The following ZFYVE28 variants were observed in gnomAD, a reference collection of about 807,000 sequenced individuals.
ZFYVE28 encodes lateral signaling target protein 2 homolog.
A neutral mutation model predicts 82.1 loss-of-function variants in ZFYVE28; 40 were observed. The observed-to-expected ratio is 0.49, with a 90% CI of 0.38 to 0.63. ZFYVE28 has a LOEUF of 0.63. Among genes scored for constraint, ZFYVE28 ranks in the 30% least tolerant of loss-of-function variants. The pLI is 0.00. For missense variants in ZFYVE28, 1,321 were observed against 1,242.1 expected, an observed-to-expected ratio of 1.06 and a Z score of -0.96; for synonymous variants, 612 against 546.1, an observed-to-expected ratio of 1.12 and a Z score of -1.68.
At chr4:2,331,423 C>T (rs1003303602) in intron 6 of ZFYVE28, among the ~76,000 whole-genome samples, 1 of 151,802 alleles carries the variant, frequency 6.6e-6, no homozygotes, top group Non-Finnish European at 1.5e-5. Flanking sequence ...AGGCAGATTG[C>T]TAGAGCCCGG....
At chr4:2,385,499 T>TA (rs1729162615) in intron 1 of ZFYVE28, among the ~76,000 whole-genome samples, 1 of 152,230 alleles carries the variant, frequency 6.6e-6, no homozygotes, top group Admixed American at 6.5e-5. Context: ...GACTGTCAGC[T>TA]GGGACCCTGA....
chr4:2,391,132 G>A (rs975233271), intron 1 of ZFYVE28, among the ~76,000 whole-genome samples: 7 of 152,194 alleles, frequency 4.6e-5, no homozygotes, highest in East Asian at 1.9e-4. Flanking sequence ...CGTGCCCGCC[G>A]CAGCCCTCCC....
chr4:2,296,700 C>T (rs1714622596), intron 8 of ZFYVE28, among the ~76,000 whole-genome samples: 1 of 152,128 alleles, frequency 6.6e-6, no homozygotes, highest in African/African-American at 2.4e-5. Flanking sequence ...GTGTGAGCCT[C>T]CCAGTGAGGG....
At chr4:2,330,698 G>C in intron 6 of ZFYVE28, 12 of 1,454,322 alleles carry the variant, frequency 8.3e-6, no homozygotes, top group Non-Finnish European at 1.1e-5. Context: ...GGACACTGGA[G>C]CAGAGGGGAC....
At position 2,352,724 on chromosome 4, in the gene ZFYVE28, A is replaced by G. The variant is rs1724663033; in HGVS notation, c.180+1209T>C. Among the ~76,000 whole-genome samples the G allele has an allele frequency of 2.0e-5, 3 of 152,148 alleles. No individual in the cohort carries two copies. The South Asian group carries it at 6.2e-4, about 32-fold the overall frequency. On this transcript the variant is annotated intron_variant, in intron 2 of 12. Transcript: ENST00000290974. Reference sequence around the variant, plus strand: ...GCAGCGGGAAGCCTGAGAAGGGGCCACCTAGCTTGGCAGCCCCCACCTCTC... The same window carrying G: ...GCAGCGGGAAGCCTGAGAAGGGGCCGCCTAGCTTGGCAGCCCCCACCTCTC...
chr4:2,303,352 G>A (rs772104492), intron 8 of ZFYVE28, among the ~76,000 whole-genome samples: 5 of 151,934 alleles, frequency 3.3e-5, no homozygotes, highest in Non-Finnish European at 5.9e-5. Context: ...ATCCTTCAAC[G>A]CAGCCCCTCA....
Position 2,418,302 on chromosome 4 carries a change from A to G in ZFYVE28, c.22T>C (p.Trp8Arg). 6.5e-7 allele frequency: 1 copy of G among 1,535,924 alleles called. No homozygotes were observed. The highest frequency in any genetic ancestry group is 8.8e-7 in the Non-Finnish European group (1 of 1,140,236). ...CCGCTCACCTTGGGTTTGTAGAGCC[A>G]CTTTCGGAACCTGTTCATCATCGCC... MMNRFRK[W>R]LYKPKRSDPQ... Residue 8 changes from tryptophan to arginine, a missense_variant, in exon 1 of 13, where the codon TGG (tryptophan) becomes CGG (arginine). Physicochemically the swap from Trp to Arg is moderately radical, Grantham distance 101. Transcript: ENST00000290974. The surrounding 1 kb of genome is among the most constrained non-coding windows in gnomAD (Gnocchi z 4.6).
At chr4:2,384,886 T>G (rs765033591) in intron 1 of ZFYVE28, among the ~76,000 whole-genome samples, 1 of 152,182 alleles carries the variant, frequency 6.6e-6, no homozygotes, top group Non-Finnish European at 1.5e-5. Flanking sequence ...TTTCAAGATG[T>G]GACGGAGACA....
intron 6 of ZFYVE28, among the ~76,000 whole-genome samples, chr4:2,334,077 C>T (rs571078195): frequency 2.0e-5 from 3 of 152,294 alleles, no homozygotes; most frequent in African/African-American, 4.8e-5. Context: ...CTGAGTCTAA[C>T]GGCAGGAGGA....
chr4:2,305,580 A>G, intron 7 of ZFYVE28, 44 bp from the exon 8 acceptor site: 1 of 1,610,364 alleles, frequency 6.2e-7, no homozygotes, highest in Admixed American at 1.7e-5. Flanking sequence ...CCCAAAAGCC[A>G]CACCAGCCTC....
intron 1 of ZFYVE28, among the ~76,000 whole-genome samples, chr4:2,358,937 G>T (rs1725723796): frequency 6.6e-6 from 1 of 151,208 alleles, no homozygotes; most frequent in South Asian, 2.1e-4. Context: ...GAGTAGCTAG[G>T]AAGACAGGTG....
At chr4:2,352,216 A>G (rs915835029) in intron 2 of ZFYVE28, among the ~76,000 whole-genome samples, 1 of 152,140 alleles carries the variant, frequency 6.6e-6, no homozygotes, top group Non-Finnish European at 1.5e-5. Context: ...AGATGCCCTC[A>G]GGGAGCTGGG....
At chr4:2,399,752 A>G (rs1213062549) in intron 1 of ZFYVE28, among the ~76,000 whole-genome samples, 1 of 152,246 alleles carries the variant, frequency 6.6e-6, no homozygotes, top group Non-Finnish European at 1.5e-5. Context: ...CGGAAGAAAC[A>G]GTGCAGGCCC....
At chr4:2,357,465 G>A (rs1227594745) in intron 1 of ZFYVE28, among the ~76,000 whole-genome samples, 1 of 152,226 alleles carries the variant, frequency 6.6e-6, no homozygotes, top group East Asian at 1.9e-4. Flanking sequence ...CCCAAGGCCT[G>A]CATGAGACCC....
chr4:2,285,536 A>G (rs1244832740), intron 8 of ZFYVE28: 1 of 152,286 alleles, frequency 6.6e-6, no homozygotes, highest in Admixed American at 6.5e-5. Context: ...CCCCTTGCAA[A>G]GTCATTCTCT....
intron 1 of ZFYVE28, among the ~76,000 whole-genome samples, chr4:2,399,325 T>C (rs1023976654): frequency 1.3e-5 from 2 of 152,104 alleles, no homozygotes; most frequent in African/African-American, 4.8e-5. Flanking sequence ...TCCAGTCCTG[T>C]GTGTTCACGC....
At chr4:2,411,094 C>T (rs1387400667) in intron 1 of ZFYVE28, among the ~76,000 whole-genome samples, 3 of 152,188 alleles carry the variant, frequency 2.0e-5, no homozygotes, top group African/African-American at 4.8e-5. Context: ...CCCAGGAAGC[C>T]GGTGTAAAAT....
At position 2,344,817 on chromosome 4, in the gene ZFYVE28, A is replaced by G. The variant is rs540402373; in HGVS notation, c.181-3202T>C. Reference sequence around the variant, plus strand: ...AGGCTGAGGCAGGAGAATCGCTTGAACCTGGGAGGTGGAGATTGCGGTGAG... The same window carrying G: ...AGGCTGAGGCAGGAGAATCGCTTGAGCCTGGGAGGTGGAGATTGCGGTGAG... On this transcript the variant is annotated intron_variant, in intron 2 of 12. Transcript: ENST00000290974. Among the ~76,000 whole-genome samples, 32 of 152,192 alleles carry G rather than the reference A, an allele frequency of 2.1e-4. No individual in the cohort carries two copies. The East Asian group carries it at 4.3e-3, about 20-fold the overall frequency.
Position 2,394,018 on chromosome 4 carries a change from C to T in ZFYVE28, c.39+24267G>A, listed in dbSNP as rs948846080. Among the ~76,000 whole-genome samples the T allele has an allele frequency of 1.3e-5, 2 of 152,180 alleles. No homozygotes were observed. The highest frequency in any genetic ancestry group is 4.8e-5 in the African/African-American group (2 of 41,438). ...CTCCAGGGAAGAGTCTGTTTCCTTC[C>T]CTTTTCCAGCTTGCACAGCTACTTC... On this transcript the variant is annotated intron_variant, in intron 1 of 12. Coordinates refer to ENST00000290974, the MANE Select transcript of ZFYVE28 (RefSeq NM_020972.3). This position sits in a 1 kb window ranked among gnomAD's most constrained non-coding sequence, Gnocchi z 4.0.
Sources: gnomAD v4.1 joint callset for allele counts (sites outside exome capture counted in the v4.1 genomes callset) on GRCh38, gnomAD v4.1.1 for gene constraint, Gnocchi (gnomAD v3.1) non-coding constraint, MANE v1.5 for transcripts, NCBI Gene and HGNC (gene_info 2026-07-23, HGNC 2026-07-21) for gene names.